The following TEAD1 variants were observed in gnomAD, a reference collection of about 807,000 sequenced individuals.
TEAD1 encodes TEA domain transcription factor 1.
TEAD1 carries 9 observed loss-of-function variants against 54.9 expected under a neutral mutation model. The ratio of observed to expected loss-of-function variants is 0.16; its 90% CI spans 0.10 to 0.29. The LOEUF (loss-of-function observed/expected upper bound fraction) is 0.29. TEAD1 is among the 10% of genes least tolerant of loss of function. The pLI is 1.00. For missense variants in TEAD1, 387 were observed against 535.9 expected (o/e 0.72, Z 2.74); for synonymous variants, 200 against 187.8 (o/e 1.07, Z -0.53).
At chr11:12,914,471 GTGAACAC>G (rs1948674573) in intron 10 of TEAD1, among the ~76,000 whole-genome samples, 1 of 152,188 alleles carries the variant, frequency 6.6e-6, no homozygotes, top group South Asian at 2.1e-4. Flanking sequence ...AAGGGCCGAA[GTGAACAC>G]ACTCAAAGAC....
intron 3 of TEAD1, among the ~76,000 whole-genome samples, chr11:12,834,561 G>A (rs1448041430): frequency 6.6e-6 from 1 of 152,138 alleles, no homozygotes; most frequent in Non-Finnish European, 1.5e-5. Context: ...AACGCCTGGT[G>A]GTATACAGTA....
At chr11:12,733,475 A>G (rs565874596) in intron 2 of TEAD1, among the ~76,000 whole-genome samples, 2 of 152,306 alleles carry the variant, frequency 1.3e-5, no homozygotes, top group East Asian at 3.9e-4. Flanking sequence ...AGGTCTAGCC[A>G]TAGGGAATTT....
chr11:12,871,958 C>A (rs1241049995), intron 5 of TEAD1, among the ~76,000 whole-genome samples: 1 of 152,252 alleles, frequency 6.6e-6, no homozygotes, highest in East Asian at 1.9e-4. Flanking sequence ...TATGTCCAGT[C>A]GCCGGTGACT....
chr11:12,942,806 C>G lies in TEAD1; in HGVS notation c.*5584C>G, dbSNP rs1386075886. ...CCGAGTATTGTGTATGAATGTGCTA[C>G]GAGAAACTTCCAAAGAGCACCATTC... is the stretch of plus-strand genomic sequence containing the variant. On this transcript the variant is annotated 3_prime_UTR_variant, in exon 13 of 13. Transcript: ENST00000527636. 1 of 152,114 alleles carries G rather than the reference C, an allele frequency of 6.6e-6. No homozygotes were observed. The highest frequency in any genetic ancestry group is 1.5e-5 in the Non-Finnish European group (1 of 68,020). 9.4% of individuals were successfully genotyped at this position (152,114 alleles called of 1,614,324 possible). A position where few individuals can be genotyped will look rare whatever the true frequency, so the allele number is the denominator to read the frequency against.
At chr11:12,777,051 C>T (rs1474321789) in intron 3 of TEAD1, among the ~76,000 whole-genome samples, 1 of 151,918 alleles carries the variant, frequency 6.6e-6, no homozygotes, top group Non-Finnish European at 1.5e-5. Flanking sequence ...CCTTGGACTC[C>T]CAAAGTGCTA....
At chr11:12,930,412 G>T in intron 12 of TEAD1, 86 bp downstream of exon 12, 1 of 1,542,242 alleles carries the variant, frequency 6.5e-7, no homozygotes, top group Non-Finnish European at 8.9e-7. Flanking sequence ...GAGGCGCTGG[G>T]CCTGCGCCGA....
Position 12,764,138 on chromosome 11 carries a change from G to C in TEAD1, c.-54-41G>C. ...GAGCTAGCAAGAGCATTATGTTTGT[G>C]GTTACCACATCCTTATACTGTTTTT... On this transcript the variant is annotated intron_variant, in intron 2 of 12. Coordinates refer to ENST00000527636, the MANE Select transcript of TEAD1 (RefSeq NM_021961.6). 3 of 1,293,910 alleles carry C rather than the reference G, an allele frequency of 2.3e-6. No homozygotes were observed. The Admixed American group carries it at 6.5e-5, about 28-fold the overall frequency. 80.2% of individuals were successfully genotyped at this position (1,293,910 alleles called of 1,614,324 possible). A position where few individuals can be genotyped will look rare whatever the true frequency, so the allele number is the denominator to read the frequency against.
chr11:12,699,801 G>C (rs760526267), intron 2 of TEAD1, among the ~76,000 whole-genome samples: 12 of 152,304 alleles, frequency 7.9e-5, no homozygotes, highest in Non-Finnish European at 1.3e-4. Flanking sequence ...GTTGAAGATC[G>C]ATGACATGTC....
intron 3 of TEAD1, among the ~76,000 whole-genome samples, chr11:12,844,506 C>T (rs1037760530): frequency 6.6e-6 from 1 of 152,232 alleles, no homozygotes; most frequent in East Asian, 1.9e-4. Flanking sequence ...ATTGTTGCCA[C>T]CACCAGCATC....
At chr11:12,697,162 TC>T (rs1564910141) in intron 2 of TEAD1, among the ~76,000 whole-genome samples, 2 of 144,112 alleles carry the variant, frequency 1.4e-5, no homozygotes, top group Admixed American at 1.4e-4. Context: ...GTACCACCCC[TC>T]CCTGCCCGCC....
At chr11:12,773,181 A>G (rs557491826) in intron 3 of TEAD1, among the ~76,000 whole-genome samples, 2 of 152,324 alleles carry the variant, frequency 1.3e-5, no homozygotes, top group African/African-American at 2.4e-5. Flanking sequence ...CTGCTGTTCA[A>G]GGGCATCTGG....
intron 1 of TEAD1, 72 bp downstream of exon 1, chr11:12,674,906 C>T (rs1943042103): frequency 6.7e-6 from 1 of 149,838 alleles, no homozygotes; most frequent in Non-Finnish European, 1.5e-5. Flanking sequence ...GCGGCGCGTC[C>T]CTCGCGGGCC....
At chr11:12,898,128 A>AAGG (rs1948348367) in intron 9 of TEAD1, among the ~76,000 whole-genome samples, 1 of 152,008 alleles carries the variant, frequency 6.6e-6, no homozygotes, top group Non-Finnish European at 1.5e-5. Context: ...CAGTGGACAC[A>AAGG]AGGTCTCTTC....
chr11:12,859,430 A>C (rs1394280739), intron 3 of TEAD1, among the ~76,000 whole-genome samples: 1 of 152,226 alleles, frequency 6.6e-6, no homozygotes, highest in Non-Finnish European at 1.5e-5. Flanking sequence ...GTGAGGCCCC[A>C]GGTTGGAGGA....
chr11:12,680,629 C>T (rs572474007), intron 2 of TEAD1, among the ~76,000 whole-genome samples: 9 of 152,210 alleles, frequency 5.9e-5, no homozygotes, highest in Admixed American at 1.3e-4. Context: ...GATCTATCCC[C>T]GTACACGTGC....
intron 12 of TEAD1, among the ~76,000 whole-genome samples, chr11:12,933,119 C>T (rs1318614607): frequency 1.3e-5 from 2 of 152,162 alleles, no homozygotes; most frequent in East Asian, 3.8e-4. Context: ...CACCTGATTA[C>T]ACATTAGGAG....
intron 2 of TEAD1, among the ~76,000 whole-genome samples, chr11:12,679,648 CT>C (rs536683633): frequency 1.2e-3 from 178 of 147,360 alleles, no homozygotes; most frequent in African/African-American, 3.7e-3. Context: ...AACTGTGCTG[CT>C]TTTTTTTTTA....
intron 2 of TEAD1, among the ~76,000 whole-genome samples, chr11:12,735,672 G>T (rs992534353): frequency 2.6e-5 from 4 of 151,688 alleles, no homozygotes; most frequent in Admixed American, 6.6e-5. Flanking sequence ...TAACCATGAG[G>T]CATGTATCCC....
At chr11:12,929,163 C>CGTGTGT (rs60060462) in intron 11 of TEAD1, among the ~76,000 whole-genome samples, 3,354 of 106,728 alleles carry the variant, frequency 0.031, 76 homozygotes, top group Non-Finnish European at 0.035. Context: ...TTTGCTTTGC[C>CGTGTGT]GTGTGTGTGT....
Sources: gnomAD v4.1 joint callset for allele counts (sites outside exome capture counted in the v4.1 genomes callset) on GRCh38, gnomAD v4.1.1 for gene constraint, MANE v1.5 for transcripts, NCBI Gene and HGNC (gene_info 2026-07-23, HGNC 2026-07-21) for gene names.